Variants in TAF4 observed in about 807,000 individuals in gnomAD.
TAF4 encodes TATA-box binding protein associated factor 4.
TAF4 carries 9 observed loss-of-function variants against 90.3 expected under a neutral mutation model. That is an observed-to-expected ratio of 0.10 (90% CI 0.06 to 0.17). The LOEUF (loss-of-function observed/expected upper bound fraction) is 0.17. TAF4 is among the 10% of genes least tolerant of loss of function. The probability of loss-of-function intolerance (pLI) is 1.00; values close to 1 mark genes in which losing one functional copy is unlikely to be tolerated. For synonymous variants in TAF4, 818 were observed against 638.9 expected (o/e 1.28, Z -4.23); for missense variants, 1,351 against 1,370.7 (o/e 0.99, Z 0.23).
chr20:62,039,401 G>A (rs1010589749), intron 1 of TAF4, among the ~76,000 whole-genome samples: 28 of 152,282 alleles, frequency 1.8e-4, no homozygotes, highest in Admixed American at 1.4e-3. Flanking sequence ...CAGAAAAAAT[G>A]AGTCTCAACC....
At chr20:61,992,699 G>A (rs1343516455) in intron 14 of TAF4, among the ~76,000 whole-genome samples, 1 of 152,070 alleles carries the variant, frequency 6.6e-6, no homozygotes, top group Non-Finnish European at 1.5e-5. Flanking sequence ...GTCTTCAAAC[G>A]CCATTTCCCA....
intron 1 of TAF4, among the ~76,000 whole-genome samples, chr20:62,042,850 T>A (rs2055971834): frequency 6.6e-6 from 1 of 151,796 alleles, no homozygotes. Flanking sequence ...AAGAAGGTAC[T>A]GATATCATAG....
chr20:61,998,121 A>C lies in TAF4; in HGVS notation c.2970+15T>G. ...AGCAAAGTGCCCACGAGCACTCACG[A>C]CTAACAGGGCTCACCTCCTTTGCCT... On this transcript the variant is annotated intron_variant, in intron 13 of 14. Coordinates refer to ENST00000252996, the MANE Select transcript of TAF4 (RefSeq NM_003185.4). 1.9e-6 allele frequency: 3 copies of C among 1,613,854 alleles called. No individual in the cohort carries two copies. The highest frequency in any genetic ancestry group is 2.5e-6 in the Non-Finnish European group (3 of 1,179,918).
intron 1 of TAF4, among the ~76,000 whole-genome samples, chr20:62,023,574 CCT>C (rs1483221161): frequency 2.6e-4 from 39 of 151,936 alleles, no homozygotes; most frequent in Admixed American, 8.5e-4. Flanking sequence ...ATGGTGAAAC[CCT>C]GTCTCTACTA....
At chr20:62,000,014 G>A in intron 11 of TAF4, 110 bp downstream of exon 11, 12 of 1,367,842 alleles carry the variant, frequency 8.8e-6, no homozygotes, top group Admixed American at 1.8e-5. Context: ...GGAACATGGA[G>A]GCACTTGGGA....
Position 62,065,552 on chromosome 20 carries a change from G to T in TAF4, c.259C>A (p.Pro87Thr). The change falls in exon 1 of 15, where the codon CCG (proline) becomes ACG (threonine). Residue 87 changes from proline (P) to threonine (T), a missense_variant. Pro to Thr is a conservative substitution (Grantham distance 38). Transcript: ENST00000252996. ...APAEGAPGAA[P>T]EPPPAGRARP... ...GCTCTACCTGCGGGGGGCGGCTCCG[G>T]CGCCGCTCCGGGCGCGCCCTCGGCG... 1.0e-6 allele frequency: 1 copy of T among 977,532 alleles called. No individual in the cohort carries two copies. Among genetic ancestry groups the T allele is most frequent in the Non-Finnish European group, 1.2e-6 (1 of 826,878 alleles). The allele number at this position is 977,532 out of a possible 1,614,324, so 60.6% of individuals were successfully genotyped here. A position where few individuals can be genotyped will look rare whatever the true frequency, so the allele number is the denominator to read the frequency against.
intron 1 of TAF4, among the ~76,000 whole-genome samples, chr20:62,050,190 C>T (rs144475120): frequency 1.4e-4 from 21 of 152,342 alleles, no homozygotes; most frequent in African/African-American, 4.8e-4. Flanking sequence ...AGGTTCTGCA[C>T]AGCAGCGACC....
chr20:62,055,485 C>A (rs547738251), intron 1 of TAF4, among the ~76,000 whole-genome samples: 1 of 152,216 alleles, frequency 6.6e-6, no homozygotes, highest in Admixed American at 6.5e-5. Context: ...GGCAGCCCTG[C>A]AATAAAATCA....
At chr20:62,008,899 G>GAC in intron 5 of TAF4, 153 bp downstream of exon 5, 1 of 1,014,062 alleles carries the variant, frequency 9.9e-7, no homozygotes, top group East Asian at 2.7e-5. Flanking sequence ...ACACGCCTTC[G>GAC]ACACGTGTGC....
In TAF4 at chr20:62,065,736, C is replaced by T; in HGVS notation, c.75G>A (p.Leu25=). ...SEVDEKVVSD[L]VGSLESQLAA... is the part of the protein sequence containing the mutation. Reference sequence around the variant, plus strand: ...CCAGCTGCGACTCCAGCGAGCCCACCAGGTCGCTCACCACTTTCTCGTCCA... The same window carrying T: ...CCAGCTGCGACTCCAGCGAGCCCACTAGGTCGCTCACCACTTTCTCGTCCA... Residue 25 remains leucine, a synonymous_variant, in exon 1 of 15, where the codon CTG becomes CTA. Transcript: ENST00000252996. The T allele has an allele frequency of 7.5e-7, 1 of 1,337,628 alleles. No individual in the cohort carries two copies. The highest frequency in any genetic ancestry group is 9.7e-7 in the Non-Finnish European group (1 of 1,026,898). 82.9% of individuals were successfully genotyped at this position (1,337,628 alleles called of 1,614,324 possible). A position where few individuals can be genotyped will look rare whatever the true frequency, so the allele number is the denominator to read the frequency against.
chr20:62,002,387 A>G (rs1424064667), intron 9 of TAF4, among the ~76,000 whole-genome samples: 4 of 152,144 alleles, frequency 2.6e-5, no homozygotes, highest in African/African-American at 9.7e-5. Flanking sequence ...CCTTGATCAC[A>G]ACAGAGATCA....
chr20:61,976,044 G>T lies in TAF4; in HGVS notation c.*124C>A. On this transcript the variant is annotated 3_prime_UTR_variant, in exon 15 of 15. Coordinates refer to ENST00000252996, the MANE Select transcript of TAF4 (RefSeq NM_003185.4). ...TCTTTCACACTGAAGAGCTGATTTA[G>T]AAACAGGAATATAAAACTGTTCCAT... is the stretch of plus-strand genomic sequence containing the variant. 9.4e-7 allele frequency: 1 copy of T among 1,062,038 alleles called. No homozygotes were observed. The highest frequency in any genetic ancestry group is 1.4e-6 in the Non-Finnish European group (1 of 725,454). 65.8% of individuals were successfully genotyped at this position (1,062,038 alleles called of 1,614,324 possible). A position where few individuals can be genotyped will look rare whatever the true frequency, so the allele number is the denominator to read the frequency against.
chr20:61,992,206 G>A (rs1351817383), intron 14 of TAF4, among the ~76,000 whole-genome samples: 1 of 152,130 alleles, frequency 6.6e-6, no homozygotes, highest in South Asian at 2.1e-4. Flanking sequence ...AACTCAAAGA[G>A]GGCGAAAGGG....
intron 4 of TAF4, 132 bp downstream of exon 4, chr20:62,009,914 C>G (rs1006993739): frequency 2.1e-6 from 3 of 1,439,614 alleles, no homozygotes; most frequent in Admixed American, 2.0e-5. Context: ...GGGCCCCAGA[C>G]TGTTCACTGC....
At chr20:61,976,368 G>C in intron 14 of TAF4, 33 bp from the exon 15 acceptor site, 1 of 1,609,248 alleles carries the variant, frequency 6.2e-7, no homozygotes, top group Non-Finnish European at 8.5e-7. Flanking sequence ...CAGTGTGTTA[G>C]TGGGGCTCAG....
chr20:62,002,377 C>G (rs926098566), intron 9 of TAF4, among the ~76,000 whole-genome samples: 10 of 152,148 alleles, frequency 6.6e-5, no homozygotes, highest in Admixed American at 3.9e-4. Context: ...CTCCACCGCC[C>G]CTTGATCACA....
chr20:61,992,135 T>C (rs79295952), intron 14 of TAF4, among the ~76,000 whole-genome samples: 3,614 of 152,216 alleles, frequency 0.024, 70 homozygotes, highest in Middle Eastern at 0.099. Context: ...TCAAAATGAC[T>C]ACAGAGACAC....
At chr20:62,052,042 A>G (rs2056031330) in intron 1 of TAF4, among the ~76,000 whole-genome samples, 2 of 152,204 alleles carry the variant, frequency 1.3e-5, no homozygotes, top group Admixed American at 6.5e-5. Context: ...CAGGAAGGCC[A>G]CCTTCCCCTT....
At chr20:62,033,557 C>A (rs1214375870) in intron 1 of TAF4, among the ~76,000 whole-genome samples, 1 of 151,976 alleles carries the variant, frequency 6.6e-6, no homozygotes, top group Non-Finnish European at 1.5e-5. Flanking sequence ...GCTAACATGG[C>A]GAAACCCCGT....
Sources: allele counts gnomAD v4.1 joint callset (sites outside exome capture counted in the v4.1 genomes callset), GRCh38; gene constraint gnomAD v4.1.1; transcripts MANE v1.5; gene names NCBI Gene and HGNC (gene_info 2026-07-23, HGNC 2026-07-21).